Variants in MPPED1 observed in about 807,000 individuals in gnomAD.
MPPED1 encodes the protein metallophosphoesterase domain containing 1.
A neutral mutation model predicts 36.2 loss-of-function variants in MPPED1; 16 were observed. The ratio of observed to expected loss-of-function variants is 0.44; its 90% CI spans 0.30 to 0.67. The LOEUF is 0.67. Ranked by LOEUF, MPPED1 falls within the 30% of genes least tolerant of loss-of-function variation. MPPED1 has a pLI of 0.10. For synonymous variants in MPPED1, 199 were observed against 191.3 expected, an observed-to-expected ratio of 1.04 and a Z score of -0.33; for missense variants, 307 against 453.4, an observed-to-expected ratio of 0.68 and a Z score of 2.93.
intron 1 of MPPED1, among the ~76,000 whole-genome samples, chr22:43,424,683 T>C (rs1929395458): frequency 1.3e-5 from 2 of 151,648 alleles, no homozygotes; most frequent in Admixed American, 6.6e-5. Flanking sequence ...GTTGTTTTTT[T>C]TTCTTTTTTT....
intron 3 of MPPED1, among the ~76,000 whole-genome samples, chr22:43,468,638 G>C (rs970684283): frequency 6.6e-6 from 1 of 152,146 alleles, no homozygotes; most frequent in Non-Finnish European, 1.5e-5. Flanking sequence ...CCAATCAGCA[G>C]CATGGATTAG....
intron 3 of MPPED1, among the ~76,000 whole-genome samples, chr22:43,466,539 T>G (rs1367278033): frequency 6.6e-6 from 1 of 152,190 alleles, no homozygotes; most frequent in Non-Finnish European, 1.5e-5. Context: ...TAACCTTGCC[T>G]TTTATTTTCT....
chr22:43,413,633 G>A (rs1357143743), intron 1 of MPPED1, among the ~76,000 whole-genome samples: 2 of 152,234 alleles, frequency 1.3e-5, no homozygotes, highest in Non-Finnish European at 2.9e-5. Flanking sequence ...GGCCCTCTGT[G>A]TGGGAACCAC....
In MPPED1 at chr22:43,474,986, T is replaced by A; in HGVS notation, c.632+25T>A. 6.2e-7 allele frequency: 1 copy of A among 1,603,966 alleles called. No homozygotes were observed. Among genetic ancestry groups the A allele is most frequent in the Non-Finnish European group, 8.5e-7 (1 of 1,171,374 alleles). ...GGTGAGTGGGCCTGGGTGCTGGTCCTGCCTGCTGGTGAGACCAGAGCTGAG... is the reference window on the plus strand; with the variant it reads ...GGTGAGTGGGCCTGGGTGCTGGTCCAGCCTGCTGGTGAGACCAGAGCTGAG... On this transcript the variant is annotated intron_variant, in intron 4 of 6. Coordinates refer to ENST00000443721, the MANE Select transcript of MPPED1 (RefSeq NM_001044370.2). The surrounding 1 kb of genome is among the most constrained non-coding windows in gnomAD (Gnocchi z 5.2).
intron 2 of MPPED1, among the ~76,000 whole-genome samples, chr22:43,432,220 G>GAGAAAGACAA (rs71186588): frequency 1.3e-5 from 2 of 150,896 alleles, no homozygotes; most frequent in Non-Finnish European, 3.0e-5. Flanking sequence ...GAGAGAGAGA[G>GAGAAAGACAA]ACACAGAGAG....
intron 1 of MPPED1, among the ~76,000 whole-genome samples, chr22:43,424,612 A>G (rs1929391896): frequency 6.6e-6 from 1 of 152,142 alleles, no homozygotes; most frequent in Non-Finnish European, 1.5e-5. Context: ...GAAGGAAAAA[A>G]AAAATGTCTT....
intron 4 of MPPED1, among the ~76,000 whole-genome samples, chr22:43,488,542 A>T (rs1280504607): frequency 3.3e-5 from 5 of 152,176 alleles, no homozygotes; most frequent in Admixed American, 6.5e-5. Context: ...ATTAGACGGG[A>T]CTCGAAGGTT....
intron 3 of MPPED1, among the ~76,000 whole-genome samples, chr22:43,446,744 G>A (rs138707112): frequency 7.9e-5 from 12 of 152,322 alleles, no homozygotes; most frequent in African/African-American, 2.4e-4. Context: ...CAAGGGTTGA[G>A]GCTAACCTAG....
chr22:43,414,390 T>C (rs966944729), intron 1 of MPPED1, among the ~76,000 whole-genome samples: 3 of 152,136 alleles, frequency 2.0e-5, no homozygotes, highest in African/African-American at 7.2e-5. Flanking sequence ...AAGGGCAGCA[T>C]TAAGGAGAAA....
chr22:43,463,811 C>CTTTCTTTCTTTTTTTTTTTT lies in MPPED1; in HGVS notation c.407-10914_407-10913insTTTTTTTTTTTTCTTTCTTT, dbSNP rs1263255803. Reference sequence around the variant, plus strand: ...TGGTTGATTTTTCATTTTTTCTTTTCTTTCTTTCTTTCTTTCTTTCTTTCT... The same window carrying CTTTCTTTCTTTTTTTTTTTT: ...TGGTTGATTTTTCATTTTTTCTTTTCTTTCTTTCTTTTTTTTTTTTTTTCTTTCTTTCTTTCTTTCTTTCT... On this transcript the variant is annotated intron_variant, in intron 3 of 6. Transcript: ENST00000443721. Among the ~76,000 whole-genome samples the CTTTCTTTCTTTTTTTTTTTT allele has an allele frequency of 2.6e-3, 62 of 24,246 alleles. 2 individuals are homozygous for CTTTCTTTCTTTTTTTTTTTT. Among genetic ancestry groups the CTTTCTTTCTTTTTTTTTTTT allele is most frequent in the Non-Finnish European group, 4.7e-3 (55 of 11,782 alleles). 15.9% of individuals were successfully genotyped at this position (24,246 alleles called of 152,430 possible).
chr22:43,445,615 C>T (rs1186901127), intron 3 of MPPED1, among the ~76,000 whole-genome samples: 6 of 139,470 alleles, frequency 4.3e-5, no homozygotes, highest in Non-Finnish European at 7.5e-5. Context: ...GTCTGGAGTG[C>T]GGTGGCACAA....
At chr22:43,426,608 G>T (rs1315552293) in intron 2 of MPPED1, among the ~76,000 whole-genome samples, 2 of 152,224 alleles carry the variant, frequency 1.3e-5, no homozygotes, top group Non-Finnish European at 2.9e-5. Flanking sequence ...CTGGCCTGGT[G>T]GGGTGTGTGT....
intron 4 of MPPED1, among the ~76,000 whole-genome samples, chr22:43,485,732 C>T (rs901086338): frequency 3.9e-5 from 6 of 152,186 alleles, no homozygotes; most frequent in Non-Finnish European, 7.3e-5. Flanking sequence ...TCCTTCCTGC[C>T]GCAAAGTCCC....
At chr22:43,496,091 G>A (rs1397946715) in intron 4 of MPPED1, among the ~76,000 whole-genome samples, 2 of 64,704 alleles carry the variant, frequency 3.1e-5, no homozygotes, top group African/African-American at 6.3e-5. Flanking sequence ...GGTGGTGGAG[G>A]TAGTGGTGGT....
chr22:43,433,002 A>C (rs1257126783), intron 2 of MPPED1, among the ~76,000 whole-genome samples: 1 of 152,074 alleles, frequency 6.6e-6, no homozygotes, highest in Non-Finnish European at 1.5e-5. Context: ...GGCTCACTTG[A>C]ATTCCTGTGC....
chr22:43,485,311 C>G lies in MPPED1; in HGVS notation c.632+10350C>G, dbSNP rs371094347. On this transcript the variant is annotated intron_variant, in intron 4 of 6. Transcript: ENST00000443721. The stretch of plus-strand genomic sequence containing the variant: ...GCATTCACACATCCACAACCACACA[C>G]ATATTCATAGACACATACACATGAA... Among the ~76,000 whole-genome samples, 11 of 152,182 alleles carry G rather than the reference C, an allele frequency of 7.2e-5. No individual in the cohort carries two copies. In the South Asian group the frequency reaches 2.3e-3, roughly 32 times the overall value.
chr22:43,478,210 C>G (rs952063750), intron 4 of MPPED1, among the ~76,000 whole-genome samples: 2 of 152,218 alleles, frequency 1.3e-5, no homozygotes, highest in Admixed American at 1.3e-4. Context: ...GAACGTATCC[C>G]GTGTGGCAGG....
At chr22:43,472,599 G>T (rs748163759) in intron 3 of MPPED1, among the ~76,000 whole-genome samples, 2 of 152,234 alleles carry the variant, frequency 1.3e-5, no homozygotes, top group East Asian at 1.9e-4. Context: ...GAAGAAGAAA[G>T]AGCAGTGCTT....
chr22:43,423,198 G>A (rs1038820893), intron 1 of MPPED1, among the ~76,000 whole-genome samples: 2 of 152,198 alleles, frequency 1.3e-5, no homozygotes, highest in Non-Finnish European at 2.9e-5. Flanking sequence ...TTGGCTTAAG[G>A]TCACACAGCA....
Sources: allele counts gnomAD v4.1 joint callset (sites outside exome capture counted in the v4.1 genomes callset), GRCh38; gene constraint gnomAD v4.1.1; non-coding constraint Gnocchi (gnomAD v3.1); transcripts MANE v1.5; gene names NCBI Gene and HGNC (gene_info 2026-07-23, HGNC 2026-07-21).